The following MALRD1 variants were observed in gnomAD, a reference collection of about 807,000 sequenced individuals.
MALRD1 encodes the protein MAM and LDL receptor class A domain containing 1.
Under a neutral mutation model 242.1 loss-of-function variants are expected in MALRD1, and 247 were observed. The ratio of observed to expected loss-of-function variants is 1.02; its 90% CI spans 0.92 to 1.13. The LOEUF is 1.13. MALRD1 is among the 50% of genes most tolerant of loss of function. MALRD1 has a pLI of 0.00. For synonymous variants in MALRD1, 995 were observed against 866.6 expected (o/e 1.15, Z -2.60); for missense variants, 2,989 against 2,533.1 (o/e 1.18, Z -3.86).
At chr10:19,267,652 C>T (rs986886719) in intron 19 of MALRD1, among the ~76,000 whole-genome samples, 1 of 152,108 alleles carries the variant, frequency 6.6e-6, no homozygotes. Flanking sequence ...TCTTCTAATA[C>T]GCTGTTTGGC....
intron 33 of MALRD1, among the ~76,000 whole-genome samples, chr10:19,594,931 T>C (rs1011406254): frequency 5.9e-5 from 9 of 152,110 alleles, no homozygotes; most frequent in Admixed American, 1.3e-4. Flanking sequence ...AAATCACCAC[T>C]AAAGAACTTA....
intron 38 of MALRD1, among the ~76,000 whole-genome samples, chr10:19,702,912 C>T (rs12256382): frequency 6.6e-6 from 1 of 152,054 alleles, no homozygotes; most frequent in Non-Finnish European, 1.5e-5. Flanking sequence ...TTGAAGTAAA[C>T]TTTTGTATTG....
chr10:19,370,494 GT>G (rs931270348), intron 26 of MALRD1, among the ~76,000 whole-genome samples: 3 of 151,904 alleles, frequency 2.0e-5, no homozygotes, highest in African/African-American at 7.3e-5. Flanking sequence ...AGTCATACTG[GT>G]TTTTTTGCTG....
At chr10:19,097,768 A>T (rs1308647320) in intron 4 of MALRD1, among the ~76,000 whole-genome samples, 1 of 152,184 alleles carries the variant, frequency 6.6e-6, no homozygotes, top group Non-Finnish European at 1.5e-5. Flanking sequence ...GTGTCCTGGT[A>T]TCCCGATACA....
At chr10:19,254,782 A>G (rs988461429) in intron 18 of MALRD1, among the ~76,000 whole-genome samples, 1 of 151,870 alleles carries the variant, frequency 6.6e-6, no homozygotes. Flanking sequence ...AATGTATCTG[A>G]GGATACATTA....
chr10:19,225,489 A>G (rs1300769179), intron 18 of MALRD1, among the ~76,000 whole-genome samples: 1 of 150,596 alleles, frequency 6.6e-6, no homozygotes, highest in African/African-American at 2.5e-5. Context: ...GTATATGTGC[A>G]AATAGAAACA....
At chr10:19,583,331 G>T (rs1299528452) in intron 33 of MALRD1, among the ~76,000 whole-genome samples, 1 of 149,688 alleles carries the variant, frequency 6.7e-6, no homozygotes, top group Admixed American at 6.7e-5. Context: ...TCCAGTTTTT[G>T]CCCATTCAGT....
intron 2 of MALRD1, among the ~76,000 whole-genome samples, chr10:19,071,707 G>A (rs1835153548): frequency 6.6e-6 from 1 of 152,032 alleles, no homozygotes; most frequent in Non-Finnish European, 1.5e-5. Flanking sequence ...CCATTCCTAA[G>A]TAATAGGTAG....
chr10:19,179,651 A>G (rs967927623), intron 14 of MALRD1, among the ~76,000 whole-genome samples: 5 of 151,916 alleles, frequency 3.3e-5, no homozygotes, highest in South Asian at 4.1e-4. Flanking sequence ...TAGATCTTAT[A>G]TTTTCTTATC....
chr10:19,403,424 A>G (rs2130860564), intron 28 of MALRD1, among the ~76,000 whole-genome samples: 1 of 152,258 alleles, frequency 6.6e-6, no homozygotes, highest in South Asian at 2.1e-4. Context: ...TTTATTTTCC[A>G]TTCACAATGT....
chr10:19,584,140 G>C (rs1305107078), intron 33 of MALRD1, among the ~76,000 whole-genome samples: 1 of 150,042 alleles, frequency 6.7e-6, no homozygotes, highest in African/African-American at 2.5e-5. Context: ...TCTTGCTAGC[G>C]GTCTATCAAT....
At chr10:19,458,929 T>C (rs184802618) in intron 29 of MALRD1, among the ~76,000 whole-genome samples, 186 of 152,100 alleles carry the variant, frequency 1.2e-3, no homozygotes, top group Admixed American at 0.011. Flanking sequence ...TATATAGTAT[T>C]TTTTAAGATT....
chr10:19,694,381 A>G (rs1411009604), intron 38 of MALRD1, among the ~76,000 whole-genome samples: 1 of 152,146 alleles, frequency 6.6e-6, no homozygotes, highest in Non-Finnish European at 1.5e-5. Flanking sequence ...AATTCACAAG[A>G]AAAAAACAAC....
intron 19 of MALRD1, among the ~76,000 whole-genome samples, chr10:19,261,446 T>TA (rs531115191): frequency 0.09 from 12,187 of 134,928 alleles, 590 homozygotes; most frequent in East Asian, 0.17. Context: ...GAGCTCTACG[T>TA]AAAAAAAAAA....
At chr10:19,630,623 AATG>A (rs1839858248) in intron 36 of MALRD1, among the ~76,000 whole-genome samples, 1 of 152,148 alleles carries the variant, frequency 6.6e-6, no homozygotes, top group South Asian at 2.1e-4. Flanking sequence ...TGAAATTAAA[AATG>A]ATATTATAAG....
intron 18 of MALRD1, among the ~76,000 whole-genome samples, chr10:19,244,677 C>G (rs1407331053): frequency 6.6e-6 from 1 of 152,168 alleles, no homozygotes; most frequent in African/African-American, 2.4e-5. Context: ...CTTGCATTTT[C>G]TATGAAGCCA....
intron 34 of MALRD1, among the ~76,000 whole-genome samples, chr10:19,598,042 C>T (rs1433835946): frequency 1.3e-5 from 2 of 152,114 alleles, no homozygotes. Flanking sequence ...GCAGAATCCT[C>T]ACCACCCTGC....
chr10:19,408,757 T>C (rs1393400769), intron 28 of MALRD1, among the ~76,000 whole-genome samples: 1 of 152,034 alleles, frequency 6.6e-6, no homozygotes, highest in Non-Finnish European at 1.5e-5. Context: ...TGAAAAAAAT[T>C]TAAATGATAA....
At chr10:19,601,239 T>C (rs1165977101) in intron 34 of MALRD1, among the ~76,000 whole-genome samples, 2 of 152,072 alleles carry the variant, frequency 1.3e-5, no homozygotes, top group African/African-American at 4.8e-5. Context: ...TACCAAAAAA[T>C]AGATATTATT....
Sources: gnomAD v4.1 joint callset for allele counts (sites outside exome capture counted in the v4.1 genomes callset) on GRCh38, gnomAD v4.1.1 for gene constraint, MANE v1.5 for transcripts, NCBI Gene and HGNC (gene_info 2026-07-23, HGNC 2026-07-21) for gene names.